Variants in ZNF354C observed in about 807,000 individuals in gnomAD.
ZNF354C encodes the protein zinc finger protein 354C.
ZNF354C carries 7 observed loss-of-function variants against 12.4 expected under a neutral mutation model. The observed-to-expected ratio is 0.56, with a 90% CI of 0.32 to 1.06. The LOEUF is 1.06. ZNF354C is among the 50% of genes least tolerant of loss of function. The pLI is 0.04. For missense variants in ZNF354C, 609 were observed against 658.0 expected (o/e 0.93, Z 0.81); for synonymous variants, 202 against 224.5 (o/e 0.90, Z 0.90).
Position 179,080,477 on chromosome 5 carries a change from G to A in ZNF354C, c.*380G>A, listed in dbSNP as rs1039541352. 1.3e-5 allele frequency: 2 copies of A among 153,344 alleles called. No homozygotes were observed. The highest frequency in any genetic ancestry group is 4.8e-5 in the African/African-American group (2 of 41,472). 9.5% of individuals were successfully genotyped at this position (153,344 alleles called of 1,614,324 possible). On this transcript the variant is annotated 3_prime_UTR_variant, in exon 5 of 5. Coordinates refer to ENST00000315475, the MANE Select transcript of ZNF354C (RefSeq NM_014594.3). ...GTCACTGAGTTAATAATGTAAATAAGTGTGTGGCCTTCTTTAAAATAGCTG... is the reference window on the plus strand; with the variant it reads ...GTCACTGAGTTAATAATGTAAATAAATGTGTGGCCTTCTTTAAAATAGCTG...
Position 179,081,587 on chromosome 5 carries a change from C to T in ZNF354C, c.*1490C>T, listed in dbSNP as rs1400535753. The stretch of plus-strand genomic sequence containing the variant: ...ATATTTCTTAACCGACTGGTTTTAG[C>T]TTATCAGAAAGTAATTATTTTATGT... On this transcript the variant is annotated 3_prime_UTR_variant, in exon 5 of 5. Coordinates refer to ENST00000315475, the MANE Select transcript of ZNF354C (RefSeq NM_014594.3). 6.6e-6 allele frequency: 1 copy of T among 152,030 alleles called. No individual in the cohort carries two copies. Among genetic ancestry groups the T allele is most frequent in the Non-Finnish European group, 1.5e-5 (1 of 68,024 alleles). 9.4% of individuals were successfully genotyped at this position (152,030 alleles called of 1,614,324 possible). A position where few individuals can be genotyped will look rare whatever the true frequency, so the allele number is the denominator to read the frequency against.
rs1762250712 is a variant in ZNF354C at position 179,083,055 on chromosome 5, T to C, written c.*2958T>C. 6.6e-6 allele frequency: 5 copies of C among 762,214 alleles called. No homozygotes were observed. The South Asian group carries it at 7.2e-5, about 11-fold the overall frequency. The allele number at this position is 762,214 out of a possible 1,614,324, so 47.2% of individuals were successfully genotyped here. A position where few individuals can be genotyped will look rare whatever the true frequency, so the allele number is the denominator to read the frequency against. ...ACATTCCACTGGCCCTACGCAGGGGTGTGATGTTGTAAGCCATAGTTTGTG... is the reference window on the plus strand; with the variant it reads ...ACATTCCACTGGCCCTACGCAGGGGCGTGATGTTGTAAGCCATAGTTTGTG... On this transcript the variant is annotated 3_prime_UTR_variant, in exon 5 of 5. Transcript: ENST00000315475.
At chr5:179,071,087 G>C (rs893175169) in intron 2 of ZNF354C, among the ~76,000 whole-genome samples, 2 of 151,816 alleles carry the variant, frequency 1.3e-5, no homozygotes, top group African/African-American at 4.8e-5. Context: ...TCCTGACCTC[G>C]TGATCTGCCT....
rs1761924018 is a variant in ZNF354C at position 179,063,785 on chromosome 5, C to T, written c.27+1690C>T. On this transcript the variant is annotated intron_variant, in intron 2 of 4. Coordinates refer to ENST00000315475, the MANE Select transcript of ZNF354C (RefSeq NM_014594.3). ...TTTGATCCCAACAAGACAGTCTATA[C>T]TGTTAGCATCATGCTCTGAAAAAGT... Among the ~76,000 whole-genome samples, 4 of 152,206 alleles carry T rather than the reference C, an allele frequency of 2.6e-5. No homozygotes were observed. The South Asian group carries it at 8.3e-4, about 32-fold the overall frequency.
chr5:179,077,418 C>T (rs1298958773), intron 4 of ZNF354C, among the ~76,000 whole-genome samples: 1 of 152,144 alleles, frequency 6.6e-6, no homozygotes, highest in Non-Finnish European at 1.5e-5. Flanking sequence ...AGAGTCACCT[C>T]GAACTAAATC....
chr5:179,075,640 G>A (rs1762107647), intron 2 of ZNF354C, among the ~76,000 whole-genome samples: 1 of 152,106 alleles, frequency 6.6e-6, no homozygotes. Flanking sequence ...AGATAGTTGT[G>A]CATGTGTCAT....
intron 1 of ZNF354C, among the ~76,000 whole-genome samples, chr5:179,061,745 T>C (rs1761897323): frequency 6.6e-6 from 1 of 152,034 alleles, no homozygotes; most frequent in Non-Finnish European, 1.5e-5. Context: ...AGTTCAAAGC[T>C]AGCGAAGGAC....
At chr5:179,070,984 G>C (rs560195514) in intron 2 of ZNF354C, among the ~76,000 whole-genome samples, 83 of 151,640 alleles carry the variant, frequency 5.5e-4, no homozygotes, top group African/African-American at 1.9e-3. Flanking sequence ...GAGTAGCTGG[G>C]ACTACAGGCG....
intron 2 of ZNF354C, among the ~76,000 whole-genome samples, chr5:179,069,769 G>A (rs1762018800): frequency 6.6e-6 from 1 of 151,742 alleles, no homozygotes; most frequent in Non-Finnish European, 1.5e-5. Flanking sequence ...GGGAGGCTGA[G>A]GCAGGAGAAT....
intron 3 of ZNF354C, among the ~76,000 whole-genome samples, 190 bp from the exon 4 acceptor site, chr5:179,076,881 A>G (rs758260586): frequency 2.0e-5 from 3 of 152,160 alleles, no homozygotes; most frequent in Non-Finnish European, 4.4e-5. Flanking sequence ...TCAGGGCCCT[A>G]TAATGGTTCT....
chr5:179,072,321 A>C (rs766496889), intron 2 of ZNF354C, among the ~76,000 whole-genome samples: 3 of 152,098 alleles, frequency 2.0e-5, no homozygotes, highest in Non-Finnish European at 4.4e-5. Context: ...GAATAGGCTT[A>C]ACTTTTGGAA....
At chr5:179,076,162 C>T (rs1411725715) in intron 2 of ZNF354C, among the ~76,000 whole-genome samples, 1 of 152,212 alleles carries the variant, frequency 6.6e-6, no homozygotes, top group Non-Finnish European at 1.5e-5. Flanking sequence ...ATCGCCTTCT[C>T]TTGAGAAAGA....
chr5:179,070,333 G>A (rs1452513061), intron 2 of ZNF354C, among the ~76,000 whole-genome samples: 1 of 152,132 alleles, frequency 6.6e-6, no homozygotes, highest in Non-Finnish European at 1.5e-5. Flanking sequence ...AAAGGCTTGG[G>A]GGCCTCTGAT....
In ZNF354C at chr5:179,080,204, TGTTA is replaced by T; in HGVS notation, c.*111_*114del. On this transcript the variant is annotated 3_prime_UTR_variant, in exon 5 of 5. Coordinates refer to ENST00000315475, the MANE Select transcript of ZNF354C (RefSeq NM_014594.3). ...TTTTTTACTTCTCCTGAAGGAAATA[TGTTA>T]GTTGCCACTAAGTCATGATAAAATT... The T allele has an allele frequency of 1.3e-6, 1 of 787,916 alleles. No individual in the cohort carries two copies. Among genetic ancestry groups the T allele is most frequent in the East Asian group, 2.7e-5 (1 of 36,774 alleles). The allele number at this position is 787,916 out of a possible 1,614,324, so 48.8% of individuals were successfully genotyped here.
chr5:179,075,094 C>A (rs1476480470), intron 2 of ZNF354C, among the ~76,000 whole-genome samples: 1 of 151,370 alleles, frequency 6.6e-6, no homozygotes, highest in Non-Finnish European at 1.5e-5. Flanking sequence ...CCCGTCTCTA[C>A]AAATATACAA....
At chr5:179,078,116 A>G (rs1350100905) in intron 4 of ZNF354C, among the ~76,000 whole-genome samples, 1 of 152,134 alleles carries the variant, frequency 6.6e-6, no homozygotes, top group Non-Finnish European at 1.5e-5. Context: ...TCTCTTTAAC[A>G]GACTGTTTCC....
rs1289955350 is a variant in ZNF354C at position 179,080,826 on chromosome 5, C to T, written c.*729C>T. 6.6e-6 allele frequency: 1 copy of T among 152,006 alleles called. No homozygotes were observed. Among genetic ancestry groups the T allele is most frequent in the Non-Finnish European group, 1.5e-5 (1 of 68,018 alleles). The allele number at this position is 152,006 out of a possible 1,614,324, so 9.4% of individuals were successfully genotyped here. ...ACTGAACAGAGTACTATTACAGTACCGTAGAAGGCGGATTAACTGAAGCAG... is the reference window on the plus strand; with the variant it reads ...ACTGAACAGAGTACTATTACAGTACTGTAGAAGGCGGATTAACTGAAGCAG... On this transcript the variant is annotated 3_prime_UTR_variant, in exon 5 of 5. Coordinates refer to ENST00000315475, the MANE Select transcript of ZNF354C (RefSeq NM_014594.3).
At position 179,076,428 on chromosome 5, in the gene ZNF354C, TG is replaced by T; in HGVS notation, c.28-14del. On this transcript the variant is annotated splice_polypyrimidine_tract_variant and intron_variant, in intron 2 of 4. Transcript: ENST00000315475. ...GAAGATGGTCCTGGGTGAGCAGGTA[TG>T]GGTTTGCCATTACAGGAGCCTGTGA... is the stretch of plus-strand genomic sequence containing the variant. 6.2e-7 allele frequency: 1 copy of T among 1,614,144 alleles called. No homozygotes were observed. Among genetic ancestry groups the T allele is most frequent in the Admixed American group, 1.7e-5 (1 of 60,018 alleles).
intron 2 of ZNF354C, among the ~76,000 whole-genome samples, chr5:179,074,329 T>C (rs374153136): frequency 1.2e-3 from 177 of 149,530 alleles, no homozygotes; most frequent in African/African-American, 4.1e-3. Context: ...GGTTTCACTG[T>C]GTTGGCCAGG....
Sources: allele counts gnomAD v4.1 joint callset (sites outside exome capture counted in the v4.1 genomes callset), GRCh38; gene constraint gnomAD v4.1.1; transcripts MANE v1.5; gene names NCBI Gene and HGNC (gene_info 2026-07-23, HGNC 2026-07-21).